Variants in HAVCR2 observed in about 807,000 individuals in gnomAD.
The protein encoded by HAVCR2 is T cell immunoglobulin mucin 3.
HAVCR2 carries 13 observed loss-of-function variants against 24.7 expected under a neutral mutation model. The observed-to-expected ratio is 0.53, with a 90% confidence interval of 0.34 to 0.84. The LOEUF (loss-of-function observed/expected upper bound fraction) is 0.84, where lower values mean the gene tolerates loss of function less well. HAVCR2 is among the 40% of genes least tolerant of loss of function. The pLI is 0.01. For missense variants in HAVCR2, 343 were observed against 371.2 expected (o/e 0.92, Z 0.62); for synonymous variants, 154 against 143.4 (o/e 1.07, Z -0.53).
chr5:157,103,312 A>T (rs1676655894), intron 3 of HAVCR2, among the ~76,000 whole-genome samples: 2 of 151,898 alleles, frequency 1.3e-5, no homozygotes, highest in African/African-American at 4.8e-5. Flanking sequence ...CGGAACTTGC[A>T]GTGAGCCGAG....
chr5:157,087,902 C>CAAAAA (rs753842431), intron 6 of HAVCR2, among the ~76,000 whole-genome samples: 112 of 88,872 alleles, frequency 1.3e-3, no homozygotes, highest in African/African-American at 4.2e-3. Flanking sequence ...GACTCCGTCT[C>CAAAAA]AAAAAAAAAA....
At chr5:157,099,870 A>G (rs1757144934) in intron 3 of HAVCR2, among the ~76,000 whole-genome samples, 1 of 151,926 alleles carries the variant, frequency 6.6e-6, no homozygotes, top group African/African-American at 2.4e-5. Context: ...TAATTTTTGT[A>G]TTTTTAGTAG....
Position 157,106,897 on chromosome 5 carries a change from G to C in HAVCR2, c.124C>G (p.Pro42Ala). The C allele has an allele frequency of 6.2e-6, 10 of 1,614,182 alleles. No homozygotes were observed. Among genetic ancestry groups the C allele is most frequent in the Non-Finnish European group, 8.5e-6 (10 of 1,180,036 alleles). Residue 42 changes from proline (P) to alanine (A), a missense_variant, in exon 2 of 7, where the codon CCA (proline) becomes GCA (alanine). Transcript: ENST00000307851. Reference sequence around the variant, plus strand: ...GGCACGAGGTTCCCTGGGGCGGCTGGGGTGTAGAAGCAGGGCAGATAGGCA... The same window carrying C: ...GGCACGAGGTTCCCTGGGGCGGCTGCGGTGTAGAAGCAGGGCAGATAGGCA... ...QNAYLPCFYT[P>A]AAPGNLVPVC...
chr5:157,091,549 A>G (rs61159436), intron 5 of HAVCR2, among the ~76,000 whole-genome samples: 84,347 of 152,096 alleles, frequency 0.55, 24,186 homozygotes, highest in East Asian at 0.76. Flanking sequence ...AGCAGAAACT[A>G]GATGATGGTG....
At chr5:157,095,724 A>AT (rs1757087110) in intron 4 of HAVCR2, among the ~76,000 whole-genome samples, 1 of 151,394 alleles carries the variant, frequency 6.6e-6, no homozygotes, top group Admixed American at 6.6e-5. Context: ...AAAAAAAAAA[A>AT]AAGAGAGAAG....
intron 4 of HAVCR2, among the ~76,000 whole-genome samples, chr5:157,097,544 G>A (rs1306891532): frequency 1.3e-5 from 2 of 152,114 alleles, no homozygotes; most frequent in Non-Finnish European, 2.9e-5. Flanking sequence ...ACAGGCATGA[G>A]ACACTGTGCC....
chr5:157,102,934 C>CAAA (rs34491013), intron 3 of HAVCR2, among the ~76,000 whole-genome samples: 17,423 of 118,802 alleles, frequency 0.15, 1,569 homozygotes, highest in African/African-American at 0.19. Context: ...GACTCCGTCT[C>CAAA]AAAAAAAAAA....
At chr5:157,095,509 G>A in intron 4 of HAVCR2, 50 bp from the exon 5 acceptor site, 3 of 1,602,536 alleles carry the variant, frequency 1.9e-6, no homozygotes, top group Middle Eastern at 1.7e-4. Flanking sequence ...GAAATCGCTT[G>A]TGTAATCAGC....
intron 6 of HAVCR2, among the ~76,000 whole-genome samples, chr5:157,087,818 G>A (rs768098613): frequency 7.3e-5 from 11 of 150,452 alleles, no homozygotes; most frequent in Non-Finnish European, 5.9e-5. Flanking sequence ...GCAGAGAATC[G>A]CTTGAACCCG....
chr5:157,098,046 C>T (rs887051008), intron 4 of HAVCR2, among the ~76,000 whole-genome samples: 82 of 151,194 alleles, frequency 5.4e-4, no homozygotes, highest in Admixed American at 7.9e-4. Context: ...CCAAGTTGGG[C>T]GGATCACCTG....
intron 3 of HAVCR2, among the ~76,000 whole-genome samples, chr5:157,103,574 A>G (rs28409409): frequency 0.06 from 9,196 of 152,280 alleles, 423 homozygotes; most frequent in Admixed American, 0.14. Flanking sequence ...TTGGCTACCA[A>G]TCACTAAAGA....
At chr5:157,099,274 A>G (rs1757137156) in intron 3 of HAVCR2, among the ~76,000 whole-genome samples, 1 of 152,140 alleles carries the variant, frequency 6.6e-6, no homozygotes, top group African/African-American at 2.4e-5. Flanking sequence ...TTATTTATTT[A>G]GACACAGAAT....
intron 4 of HAVCR2, among the ~76,000 whole-genome samples, chr5:157,098,424 A>C (rs1449369582): frequency 2.6e-5 from 4 of 151,276 alleles, no homozygotes; most frequent in African/African-American, 9.7e-5. Flanking sequence ...AAAAAAAAAA[A>C]CCTCTTCACT....
rs762519713 is a variant in HAVCR2 at position 157,095,321 on chromosome 5, C to T, written c.661G>A (p.Ala221Thr). 4.0e-5 allele frequency: 64 copies of T among 1,613,214 alleles called. No homozygotes were observed. The highest frequency in any genetic ancestry group is 6.7e-5 in the African/African-American group (5 of 74,802). Residue 221 changes from alanine to threonine, a missense_variant, in exon 5 of 7, where the codon GCT becomes ACT. Coordinates refer to ENST00000307851, the MANE Select transcript of HAVCR2 (RefSeq NM_032782.5). ...AAACACTTACATTTGAAAATTAAAGCGCCGAAGATAAGAGCCAGAGCCAGC... is the reference window on the plus strand; with the variant it reads ...AAACACTTACATTTGAAAATTAAAGTGCCGAAGATAAGAGCCAGAGCCAGC... ...AGLALALIFG[A>T]LIFKWYSHSK...
Position 157,094,351 on chromosome 5 carries a change from T to C in HAVCR2, c.676+955A>G, listed in dbSNP as rs543900986. ...TGAGCCACTGCACCTGGCCATTGTA[T>C]TTATTTATTTATTTATTTGCTTATT... On this transcript the variant is annotated intron_variant, in intron 5 of 6. Transcript: ENST00000307851. 1.1e-4 allele frequency among the ~76,000 whole-genome samples: 17 copies of C among 151,764 alleles called. No individual in the cohort carries two copies. In the East Asian group the frequency reaches 3.1e-3, roughly 28 times the overall value.
intron 1 of HAVCR2, 33 bp from the exon 2 acceptor site, chr5:157,106,995 A>G: frequency 6.4e-7 from 1 of 1,553,824 alleles, no homozygotes; most frequent in Non-Finnish European, 8.8e-7. Context: ...CCAAGACTCA[A>G]GCGGTGAGTG....
chr5:157,104,198 C>T (rs1008223411), intron 3 of HAVCR2, among the ~76,000 whole-genome samples: 4 of 152,192 alleles, frequency 2.6e-5, no homozygotes, highest in African/African-American at 4.8e-5. Context: ...TGCTGAATTA[C>T]ATGAAGAATT....
chr5:157,098,931 G>GAGAGAGA, intron 3 of HAVCR2, 30 bp from the exon 4 acceptor site: 3 of 1,540,912 alleles, frequency 1.9e-6, no homozygotes, highest in Non-Finnish European at 1.8e-6. Flanking sequence ...GAGAGAGAGA[G>GAGAGAGA]GAAAAATAGC....
At chr5:157,104,079 A>AG (rs1757210919) in intron 3 of HAVCR2, among the ~76,000 whole-genome samples, 1 of 152,176 alleles carries the variant, frequency 6.6e-6, no homozygotes, top group African/African-American at 2.4e-5. Context: ...AGTTTAGAAG[A>AG]GACCAGGACA....
Sources: gnomAD v4.1 joint callset for allele counts (sites outside exome capture counted in the v4.1 genomes callset) on GRCh38, gnomAD v4.1.1 for gene constraint, MANE v1.5 for transcripts, NCBI Gene and HGNC (gene_info 2026-07-23, HGNC 2026-07-21) for gene names.